CADM2: variants seen among roughly 807,000 people sequenced by gnomAD.
CADM2 encodes immunoglobulin superfamily member 4D.
A neutral mutation model predicts 49.8 loss-of-function variants in CADM2; 12 were observed. The observed-to-expected ratio is 0.24, with a 90% CI of 0.15 to 0.39. CADM2 has a LOEUF of 0.39. CADM2 is among the 10% of genes least tolerant of loss of function. The probability of loss-of-function intolerance (pLI) is 1.00; values close to 1 mark genes in which losing one functional copy is unlikely to be tolerated. For missense variants in CADM2, 378 were observed against 492.3 expected, an observed-to-expected ratio of 0.77 and a Z score of 2.20; for synonymous variants, 214 against 175.4, an observed-to-expected ratio of 1.22 and a Z score of -1.74.
intron 1 of CADM2, among the ~76,000 whole-genome samples, chr3:85,362,480 T>C (rs1283089603): frequency 3.9e-5 from 6 of 152,218 alleles, no homozygotes; most frequent in Non-Finnish European, 7.3e-5. Flanking sequence ...GCAGGTGCTA[T>C]ATAAACACAT....
chr3:85,754,893 T>A (rs989689033), intron 2 of CADM2, among the ~76,000 whole-genome samples: 1 of 152,146 alleles, frequency 6.6e-6, no homozygotes, highest in Non-Finnish European at 1.5e-5. Flanking sequence ...CAAAAGGATC[T>A]TGGCTTATAG....
chr3:85,269,980 T>C (rs1195507672), intron 1 of CADM2, among the ~76,000 whole-genome samples: 1 of 151,302 alleles, frequency 6.6e-6, no homozygotes, highest in East Asian at 1.9e-4. Context: ...TGGTATATCA[T>C]GAGACACTTA....
intron 1 of CADM2, among the ~76,000 whole-genome samples, chr3:85,694,591 A>G (rs1430071807): frequency 2.0e-5 from 3 of 152,348 alleles, no homozygotes; most frequent in East Asian, 3.9e-4. Context: ...CAATATGAAT[A>G]TATTGATAGA....
chr3:85,607,898 G>A (rs2063577464), intron 1 of CADM2, among the ~76,000 whole-genome samples: 1 of 151,876 alleles, frequency 6.6e-6, no homozygotes, highest in Admixed American at 6.6e-5. Flanking sequence ...CTCGTGATCT[G>A]CTTGCCTTGA....
intron 1 of CADM2, among the ~76,000 whole-genome samples, chr3:85,122,652 ATATATGT>A: frequency 6.6e-6 from 1 of 152,080 alleles, no homozygotes; most frequent in Non-Finnish European, 1.5e-5. Context: ...ATGTGTACAT[ATATATGT>A]TTATTTATTT....
intron 1 of CADM2, among the ~76,000 whole-genome samples, chr3:85,059,381 A>G (rs1480080742): frequency 6.6e-6 from 1 of 152,086 alleles, no homozygotes; most frequent in Non-Finnish European, 1.5e-5. Context: ...AAAGGAAGTG[A>G]AAGATATCAG....
intron 1 of CADM2, among the ~76,000 whole-genome samples, chr3:85,301,215 A>G (rs933431368): frequency 6.6e-6 from 1 of 152,108 alleles, no homozygotes; most frequent in Non-Finnish European, 1.5e-5. Context: ...GCTGATGCAG[A>G]CATAGCCCTT....
chr3:85,178,432 C>T (rs749113152), intron 1 of CADM2, among the ~76,000 whole-genome samples: 3 of 151,762 alleles, frequency 2.0e-5, no homozygotes, highest in Non-Finnish European at 3.0e-5. Flanking sequence ...GCTTTCTTTA[C>T]TACATCTTTT....
intron 1 of CADM2, among the ~76,000 whole-genome samples, chr3:85,479,216 G>C (rs1048603143): frequency 6.6e-6 from 1 of 151,826 alleles, no homozygotes; most frequent in African/African-American, 2.4e-5. Flanking sequence ...GAGTACCAGG[G>C]TACAATACAA....
chr3:85,429,705 A>G (rs2036579640), intron 1 of CADM2, among the ~76,000 whole-genome samples: 1 of 152,164 alleles, frequency 6.6e-6, no homozygotes, highest in African/African-American at 2.4e-5. Flanking sequence ...TTCCCATAGT[A>G]AAATGGAGGA....
chr3:85,656,704 T>A (rs921548073), intron 1 of CADM2, among the ~76,000 whole-genome samples: 7 of 152,134 alleles, frequency 4.6e-5, no homozygotes, highest in African/African-American at 1.4e-4. Context: ...ATATTCAGAC[T>A]GTTAGAATTG....
At chr3:85,732,955 A>T (rs923066170) in intron 2 of CADM2, among the ~76,000 whole-genome samples, 5 of 152,242 alleles carry the variant, frequency 3.3e-5, no homozygotes, top group Non-Finnish European at 7.3e-5. Flanking sequence ...ATTCATTTAA[A>T]TGCATTTACA....
intron 8 of CADM2, among the ~76,000 whole-genome samples, chr3:86,025,156 A>C (rs1733732438): frequency 6.6e-6 from 1 of 151,906 alleles, no homozygotes; most frequent in African/African-American, 2.4e-5. Flanking sequence ...CCTGAGTTCA[A>C]GTGATTCTCC....
intron 1 of CADM2, among the ~76,000 whole-genome samples, chr3:85,423,604 G>T (rs193082764): frequency 2.0e-5 from 3 of 152,280 alleles, no homozygotes; most frequent in Admixed American, 6.5e-5. Context: ...TGCTAGCAAA[G>T]AAATATAATC....
intron 8 of CADM2, among the ~76,000 whole-genome samples, chr3:85,990,684 A>G (rs1008998612): frequency 1.1e-4 from 17 of 152,162 alleles, no homozygotes; most frequent in Non-Finnish European, 2.4e-4. Flanking sequence ...AATTATTCAC[A>G]ATTTTCTTAA....
chr3:85,223,553 G>A (rs1327943264), intron 1 of CADM2, among the ~76,000 whole-genome samples: 1 of 152,056 alleles, frequency 6.6e-6, no homozygotes, highest in African/African-American at 2.4e-5. Context: ...TAAACTATGT[G>A]TGTATTCAGA....
intron 1 of CADM2, among the ~76,000 whole-genome samples, chr3:85,392,018 G>C (rs1170405168): frequency 6.6e-6 from 1 of 152,088 alleles, no homozygotes; most frequent in African/African-American, 2.4e-5. Flanking sequence ...TTGAAAGAGT[G>C]TTAGCATTGG....
At chr3:85,201,626 T>G (rs1265399807) in intron 1 of CADM2, among the ~76,000 whole-genome samples, 1 of 152,202 alleles carries the variant, frequency 6.6e-6, no homozygotes, top group African/African-American at 2.4e-5. Context: ...ACAGCAGAAC[T>G]TCTTTAGAAA....
At chr3:85,312,820 G>A (rs575196360) in intron 1 of CADM2, among the ~76,000 whole-genome samples, 36 of 152,142 alleles carry the variant, frequency 2.4e-4, no homozygotes, top group Admixed American at 2.2e-3. Flanking sequence ...AAAACCTCAG[G>A]ACATTATTAA....
Sources: gnomAD v4.1 joint callset for allele counts (sites outside exome capture counted in the v4.1 genomes callset) on GRCh38, gnomAD v4.1.1 for gene constraint, MANE v1.5 for transcripts, NCBI Gene and HGNC (gene_info 2026-07-23, HGNC 2026-07-21) for gene names.